Variants in CCDC148 observed in about 807,000 individuals in gnomAD.
CCDC148 encodes the protein coiled-coil domain containing 148, also known as coiled-coil domain-containing protein 148.
In CCDC148, 89 loss-of-function variants were observed where a neutral mutation model predicts 85.7. The observed-to-expected ratio is 1.04, with a 90% confidence interval of 0.87 to 1.24. The LOEUF (loss-of-function observed/expected upper bound fraction) is 1.24, where lower values mean the gene tolerates loss of function less well. Ranked by LOEUF, CCDC148 falls within the 50% of genes most tolerant of loss-of-function variation. CCDC148 has a pLI of 0.00. For synonymous variants in CCDC148, 230 were observed against 213.9 expected (o/e 1.08, Z -0.66); for missense variants, 692 against 671.7 (o/e 1.03, Z -0.33).
intron 9 of CCDC148, among the ~76,000 whole-genome samples, chr2:158,278,150 G>C (rs1028677834): frequency 7.2e-5 from 11 of 152,108 alleles, no homozygotes; most frequent in African/African-American, 2.7e-4. Context: ...GAGGAGCCAA[G>C]ATGGCCGAAT....
Position 158,220,535 on chromosome 2 carries a change from A to G in CCDC148, c.1370+60T>C, listed in dbSNP as rs1687119385. 2.0e-5 allele frequency: 22 copies of G among 1,123,896 alleles called. No homozygotes were observed. The South Asian group carries it at 2.3e-4, about 12-fold the overall frequency. The allele number at this position is 1,123,896 out of a possible 1,614,324, so 69.6% of individuals were successfully genotyped here. Reference sequence around the variant, plus strand: ...TCCCTCTGATATTATTTATTCTAACACTTTACAAAAGACTCCATTCACCAC... The same window carrying G: ...TCCCTCTGATATTATTTATTCTAACGCTTTACAAAAGACTCCATTCACCAC... On this transcript the variant is annotated intron_variant, in intron 11 of 13. Coordinates refer to ENST00000283233, the MANE Select transcript of CCDC148 (RefSeq NM_138803.4).
intron 1 of CCDC148, among the ~76,000 whole-genome samples, chr2:158,415,589 T>G (rs79616229): frequency 6.9e-6 from 1 of 144,120 alleles, no homozygotes; most frequent in Non-Finnish European, 1.5e-5. Flanking sequence ...CAAAGTCTCA[T>G]CTGAGACAAG....
At position 158,422,933 on chromosome 2, in the gene CCDC148, A is replaced by T. The variant is rs868125489; in HGVS notation, c.25+33482T>A. Among the ~76,000 whole-genome samples the T allele has an allele frequency of 9.2e-5, 14 of 152,184 alleles. No homozygotes were observed. In the South Asian group the frequency reaches 2.5e-3, roughly 27 times the overall value. ...GCAAAAATCACAAGCGGTCCTATAC[A>T]CCAATAACAAACAGAGAGCCAAATC... On this transcript the variant is annotated intron_variant, in intron 1 of 13. Coordinates refer to ENST00000283233, the MANE Select transcript of CCDC148 (RefSeq NM_138803.4).
intron 1 of CCDC148, among the ~76,000 whole-genome samples, chr2:158,370,783 A>G (rs1684404317): frequency 6.6e-6 from 1 of 151,948 alleles, no homozygotes; most frequent in African/African-American, 2.4e-5. Context: ...TAATGGGAAA[A>G]ATCTCACTCA....
Position 158,313,900 on chromosome 2 carries a change from A to G in CCDC148, c.765-6T>C, listed in dbSNP as rs1235458917. On this transcript the variant is annotated splice_polypyrimidine_tract_variant and splice_region_variant and intron_variant, in intron 7 of 13. Transcript: ENST00000283233. ...CTTCACTTAGTTGACAGTTTCTAGA[A>G]GCAACAAAAATGTCACAACATATTA... The G allele has an allele frequency of 6.2e-7, 1 of 1,609,558 alleles. No individual in the cohort carries two copies.
chr2:158,239,227 C>G (rs1688243809), intron 10 of CCDC148, among the ~76,000 whole-genome samples: 1 of 152,094 alleles, frequency 6.6e-6, no homozygotes, highest in South Asian at 2.1e-4. Flanking sequence ...TTCTCTAAAA[C>G]TGTCTAATGG....
intron 9 of CCDC148, among the ~76,000 whole-genome samples, chr2:158,307,723 G>A (rs1691763733): frequency 6.6e-6 from 1 of 152,126 alleles, no homozygotes; most frequent in African/African-American, 2.4e-5. Flanking sequence ...AGAACAAATA[G>A]CTGTAACATG....
intron 9 of CCDC148, among the ~76,000 whole-genome samples, chr2:158,259,479 A>G (rs988519412): frequency 6.6e-6 from 1 of 151,968 alleles, no homozygotes; most frequent in Admixed American, 6.6e-5. Context: ...AATGTGATAT[A>G]CAAATGCTAT....
intron 7 of CCDC148, among the ~76,000 whole-genome samples, chr2:158,331,735 G>T (rs1693137577): frequency 6.6e-6 from 1 of 152,186 alleles, no homozygotes; most frequent in Non-Finnish European, 1.5e-5. Flanking sequence ...TCTTCTTGTT[G>T]AATTGATCCC....
In CCDC148 at chr2:158,225,759, A is replaced by G. The variant is rs1687480018; in HGVS notation, c.1252-5046T>C. ...ATAAAGATGTTCTTTGAAACCAATG[A>G]GAACAAAGACACAACATACCAGAAT... On this transcript the variant is annotated intron_variant, in intron 10 of 13. Transcript: ENST00000283233. 2.6e-5 allele frequency among the ~76,000 whole-genome samples: 4 copies of G among 152,350 alleles called. No homozygotes were observed. The South Asian group carries it at 6.2e-4, about 24-fold the overall frequency.
At chr2:158,404,226 G>A (rs908062592) in intron 1 of CCDC148, among the ~76,000 whole-genome samples, 1 of 152,048 alleles carries the variant, frequency 6.6e-6, no homozygotes, top group African/African-American at 2.4e-5. Flanking sequence ...TTGAAAGGGG[G>A]CTCTATTTGC....
chr2:158,192,359 T>C (rs1475662371), intron 11 of CCDC148, among the ~76,000 whole-genome samples: 1 of 152,002 alleles, frequency 6.6e-6, no homozygotes, highest in Non-Finnish European at 1.5e-5. Context: ...TCACGATTTG[T>C]AAACTTTAGT....
chr2:158,390,066 T>C (rs1245668450), intron 1 of CCDC148, among the ~76,000 whole-genome samples: 1 of 152,188 alleles, frequency 6.6e-6, no homozygotes, highest in African/African-American at 2.4e-5. Context: ...AAAGAAGTTA[T>C]TTTAAGAACT....
intron 9 of CCDC148, among the ~76,000 whole-genome samples, chr2:158,270,359 C>T (rs1421819678): frequency 6.6e-6 from 1 of 152,080 alleles, no homozygotes; most frequent in Non-Finnish European, 1.5e-5. Context: ...GGATTCATGC[C>T]AGGGCTGGAG....
chr2:158,224,100 T>C (rs946975261), intron 10 of CCDC148, among the ~76,000 whole-genome samples: 9 of 151,842 alleles, frequency 5.9e-5, no homozygotes, highest in Non-Finnish European at 1.3e-4. Flanking sequence ...CTAACTAGAA[T>C]AACCAATGCA....
intron 7 of CCDC148, among the ~76,000 whole-genome samples, chr2:158,328,933 G>T (rs1692940847): frequency 6.6e-6 from 1 of 151,928 alleles, no homozygotes; most frequent in Non-Finnish European, 1.5e-5. Context: ...CAGATGAGTA[G>T]AATGCAAAAA....
intron 9 of CCDC148, among the ~76,000 whole-genome samples, chr2:158,252,292 T>C (rs1688826189): frequency 6.6e-6 from 1 of 151,752 alleles, no homozygotes; most frequent in South Asian, 2.1e-4. Flanking sequence ...CCAGGAAATT[T>C]CTACTCCCGT....
chr2:158,194,170 A>C (rs1451243360), intron 11 of CCDC148, among the ~76,000 whole-genome samples: 1 of 152,108 alleles, frequency 6.6e-6, no homozygotes, highest in African/African-American at 2.4e-5. Flanking sequence ...GGGTGTTGGC[A>C]ATTTTTTTAA....
chr2:158,242,757 T>C (rs1688405634), intron 10 of CCDC148, among the ~76,000 whole-genome samples: 1 of 151,916 alleles, frequency 6.6e-6, no homozygotes, highest in East Asian at 1.9e-4. Context: ...CTTAATGAGG[T>C]TGTTAGTGAA....
Sources: allele counts gnomAD v4.1 joint callset (sites outside exome capture counted in the v4.1 genomes callset), GRCh38; gene constraint gnomAD v4.1.1; transcripts MANE v1.5; gene names NCBI Gene and HGNC (gene_info 2026-07-23, HGNC 2026-07-21).